The following GRAMD2B variants were observed in gnomAD, a reference collection of about 807,000 sequenced individuals.
The protein encoded by GRAMD2B is GRAM domain-containing protein 2B.
Under a neutral mutation model 59.2 loss-of-function variants are expected in GRAMD2B, and 41 were observed. The observed-to-expected ratio is 0.69, with a 90% CI of 0.54 to 0.90. GRAMD2B has a LOEUF of 0.90. GRAMD2B is among the 40% of genes least tolerant of loss of function. GRAMD2B has a pLI of 0.00. For missense variants in GRAMD2B, 424 were observed against 500.5 expected, an observed-to-expected ratio of 0.85 and a Z score of 1.46; for synonymous variants, 161 against 182.7, an observed-to-expected ratio of 0.88 and a Z score of 0.96.
intron 1 of GRAMD2B, among the ~76,000 whole-genome samples, chr5:126,461,593 A>G (rs532724826): frequency 6.6e-6 from 1 of 152,278 alleles, no homozygotes; most frequent in East Asian, 1.9e-4. Flanking sequence ...TGAGGCCAGG[A>G]GTTCGAGACC....
At chr5:126,365,590 T>A (rs1470497745) in intron 1 of GRAMD2B, among the ~76,000 whole-genome samples, 4 of 152,180 alleles carry the variant, frequency 2.6e-5, no homozygotes, top group African/African-American at 9.7e-5. Context: ...CAACTGTCAG[T>A]TCATTACAGG....
intron 1 of GRAMD2B, among the ~76,000 whole-genome samples, chr5:126,414,413 A>G (rs1167986836): frequency 1.3e-5 from 2 of 152,164 alleles, no homozygotes; most frequent in African/African-American, 4.8e-5. Flanking sequence ...TCTGACTTGA[A>G]TTAGTCTGGG....
chr5:126,361,334 G>A (rs1460034573), intron 1 of GRAMD2B, among the ~76,000 whole-genome samples: 1 of 152,196 alleles, frequency 6.6e-6, no homozygotes, highest in East Asian at 1.9e-4. Context: ...AAATATAAAT[G>A]GGTGGGAAGA....
At chr5:126,389,751 CA>C (rs1365983848) in intron 1 of GRAMD2B, among the ~76,000 whole-genome samples, 1 of 152,052 alleles carries the variant, frequency 6.6e-6, no homozygotes, top group African/African-American at 2.4e-5. Flanking sequence ...AGTTCAAGAC[CA>C]GCCTGGCCAA....
intron 1 of GRAMD2B, among the ~76,000 whole-genome samples, chr5:126,400,622 C>T (rs896114870): frequency 2.6e-4 from 40 of 152,194 alleles, no homozygotes; most frequent in African/African-American, 9.4e-4. Flanking sequence ...ATGCCCTTTA[C>T]TTTTCTTATA....
At chr5:126,392,410 C>T (rs1348085497) in intron 1 of GRAMD2B, among the ~76,000 whole-genome samples, 2 of 152,146 alleles carry the variant, frequency 1.3e-5, no homozygotes, top group African/African-American at 4.8e-5. Context: ...ACTTTTGCAC[C>T]AGCAACAAAA....
chr5:126,374,052 A>G (rs1754983214), intron 1 of GRAMD2B, among the ~76,000 whole-genome samples: 1 of 152,216 alleles, frequency 6.6e-6, no homozygotes, highest in Admixed American at 6.5e-5. Flanking sequence ...GCAATGCTGC[A>G]TCTTGCCTGT....
chr5:126,426,107 C>G (rs1760572948), intron 1 of GRAMD2B, among the ~76,000 whole-genome samples: 1 of 151,286 alleles, frequency 6.6e-6, no homozygotes, highest in African/African-American at 2.4e-5. Flanking sequence ...TACCCTGTAC[C>G]CCATAAATGT....
chr5:126,446,637 A>C (rs921567164), intron 1 of GRAMD2B, among the ~76,000 whole-genome samples: 1 of 151,824 alleles, frequency 6.6e-6, no homozygotes, highest in Admixed American at 6.6e-5. Context: ...AAAAAAAAAA[A>C]AAACCTATGT....
In GRAMD2B at chr5:126,386,407, A is replaced by G. The variant is rs1231571891; in HGVS notation, c.125+14840A>G. On this transcript the variant is annotated intron_variant, in intron 1 of 8. Transcript: ENST00000506445. ...TTAGATGAGTTGTCAATTGCTTCAC[A>G]GCATATTATGCCAAATCCTAGCCTC... Among the ~76,000 whole-genome samples, 3 of 152,238 alleles carry G rather than the reference A, an allele frequency of 2.0e-5. No individual in the cohort carries two copies. In the South Asian group the frequency reaches 6.2e-4, roughly 31 times the overall value.
In GRAMD2B at chr5:126,492,997, C is replaced by A; in HGVS notation, c.*41C>A. On this transcript the variant is annotated 3_prime_UTR_variant, in exon 14 of 14. Transcript: ENST00000285689. ...GGGCCATCGGAATACCTCATGTTTC[C>A]CTTTGAAGAAGGTGCTTCCTGAGGC... is the stretch of plus-strand genomic sequence containing the variant. 6.4e-7 allele frequency: 1 copy of A among 1,571,350 alleles called. No individual in the cohort carries two copies. The highest frequency in any genetic ancestry group is 1.1e-5 in the South Asian group (1 of 89,870).
chr5:126,464,028 CAA>C (rs796785312), intron 1 of GRAMD2B, among the ~76,000 whole-genome samples: 9 of 118,996 alleles, frequency 7.6e-5, no homozygotes, highest in Admixed American at 8.6e-5. Context: ...AACTCCATCT[CAA>C]AAAAAAAAAA....
chr5:126,391,365 A>G (rs1334657771), intron 1 of GRAMD2B, among the ~76,000 whole-genome samples: 1 of 148,954 alleles, frequency 6.7e-6, no homozygotes, highest in Non-Finnish European at 1.5e-5. Context: ...TTTGTCAGTT[A>G]TAGCTCAACA....
intron 1 of GRAMD2B, among the ~76,000 whole-genome samples, chr5:126,383,650 T>A (rs185980884): frequency 2.7e-4 from 41 of 152,328 alleles, no homozygotes; most frequent in African/African-American, 9.9e-4. Context: ...GGCAAAACTA[T>A]GCGAACAAAT....
chr5:126,467,526 C>T (rs576116272), intron 2 of GRAMD2B: 1 of 152,072 alleles, frequency 6.6e-6, no homozygotes, highest in African/African-American at 2.4e-5. Context: ...CCACCCTACT[C>T]GTCATATTTG....
chr5:126,422,341 C>T (rs1293095876), upstream of GRAMD2B, among the ~76,000 whole-genome samples: 2 of 152,132 alleles, frequency 1.3e-5, no homozygotes, highest in African/African-American at 2.4e-5. Flanking sequence ...GGATTACAAG[C>T]GCCTGCGCCA....
chr5:126,431,182 C>CT (rs991241368), intron 1 of GRAMD2B, among the ~76,000 whole-genome samples: 5 of 150,720 alleles, frequency 3.3e-5, no homozygotes, highest in African/African-American at 7.3e-5. Flanking sequence ...GATTAGTTTT[C>CT]TTTTTTTTTA....
chr5:126,381,757 T>A (rs1045527870), intron 1 of GRAMD2B, among the ~76,000 whole-genome samples: 1 of 151,810 alleles, frequency 6.6e-6, no homozygotes, highest in African/African-American at 2.4e-5. Context: ...TACCTTGGGG[T>A]TTTTTTTCAT....
intron 1 of GRAMD2B, among the ~76,000 whole-genome samples, chr5:126,426,653 G>C (rs778248929): frequency 6.6e-5 from 10 of 152,212 alleles, no homozygotes; most frequent in Non-Finnish European, 1.5e-4. Flanking sequence ...AGTACCATCT[G>C]TTGGTGAGCT....
Sources: gnomAD v4.1 joint callset for allele counts (sites outside exome capture counted in the v4.1 genomes callset) on GRCh38, gnomAD v4.1.1 for gene constraint, MANE v1.5 for transcripts, NCBI Gene and HGNC (gene_info 2026-07-23, HGNC 2026-07-21) for gene names.